CNTN4: variants seen among roughly 807,000 people sequenced by gnomAD.
The protein encoded by CNTN4 is contactin-4.
Under a neutral mutation model 122.5 loss-of-function variants are expected in CNTN4, and 77 were observed. The ratio of observed to expected loss-of-function variants is 0.63; its 90% CI spans 0.52 to 0.76. CNTN4 has a LOEUF of 0.76. CNTN4 is among the 30% of genes least tolerant of loss of function. The probability of loss-of-function intolerance (pLI) is 0.00; values close to 1 mark genes in which losing one functional copy is unlikely to be tolerated. For synonymous variants in CNTN4, 512 were observed against 447.0 expected (o/e 1.15, Z -1.83); for missense variants, 1,256 against 1,259.1 (o/e 1.00, Z 0.04).
rs1339394933 is a variant in CNTN4 at position 2,218,342 on chromosome 3, A to G, written c.-145+117703A>G. ...ATGAAATTGCAAACATGTATATACTATTTTACCACTTTCTTTTAAAGCATA... is the reference window on the plus strand; with the variant it reads ...ATGAAATTGCAAACATGTATATACTGTTTTACCACTTTCTTTTAAAGCATA... On this transcript the variant is annotated intron_variant, in intron 2 of 24. Coordinates refer to ENST00000418658, the MANE Select transcript of CNTN4 (RefSeq NM_175607.3). Among the ~76,000 whole-genome samples the G allele has an allele frequency of 2.6e-5, 4 of 152,072 alleles. No individual in the cohort carries two copies. In the East Asian group the frequency reaches 5.8e-4, roughly 22 times the overall value.
chr3:2,230,062 A>G (rs1216330267), intron 2 of CNTN4, among the ~76,000 whole-genome samples: 1 of 152,194 alleles, frequency 6.6e-6, no homozygotes, highest in African/African-American at 2.4e-5. Flanking sequence ...AAGCTTTATT[A>G]GAGATCCCTA....
chr3:2,976,106 A>G (rs1290464540), intron 13 of CNTN4, among the ~76,000 whole-genome samples: 7 of 152,192 alleles, frequency 4.6e-5, no homozygotes, highest in Non-Finnish European at 2.9e-5. Context: ...TATGCTTACC[A>G]TGTGAATAAA....
intron 3 of CNTN4, among the ~76,000 whole-genome samples, chr3:2,384,537 A>T (rs2046163558): frequency 6.6e-6 from 1 of 152,240 alleles, no homozygotes; most frequent in Non-Finnish European, 1.5e-5. Context: ...AACACAATAG[A>T]TTGGGAAATC....
Position 2,709,132 on chromosome 3 carries a change from A to G in CNTN4, c.56-27083A>G, listed in dbSNP as rs929069854. ...TTTTTAAGCTAGATCGTTACAAATG[A>G]AGCCTTACCATTTGATGAAAATCCA... On this transcript the variant is annotated intron_variant, in intron 4 of 24. Transcript: ENST00000418658. The surrounding 1 kb of genome is among the most constrained non-coding windows in gnomAD (Gnocchi z 5.0). 1.3e-5 allele frequency among the ~76,000 whole-genome samples: 2 copies of G among 152,218 alleles called. No homozygotes were observed. Among genetic ancestry groups the G allele is most frequent in the African/African-American group, 4.8e-5 (2 of 41,452 alleles).
chr3:2,776,309 GTTTC>G (rs1367638976), intron 6 of CNTN4, among the ~76,000 whole-genome samples: 5 of 139,628 alleles, frequency 3.6e-5, no homozygotes, highest in African/African-American at 1.3e-4. Flanking sequence ...GAATATAAGT[GTTTC>G]TTTTTTTTTT....
At chr3:2,362,438 A>G in intron 3 of CNTN4, 1 of 394,650 alleles carries the variant, frequency 2.5e-6, no homozygotes, top group South Asian at 2.0e-5. Flanking sequence ...ATCCTGGACC[A>G]TCGCCTCCCA....
At chr3:2,120,372 T>TATAA (rs1340834901) in intron 2 of CNTN4, among the ~76,000 whole-genome samples, 1 of 84,340 alleles carries the variant, frequency 1.2e-5, no homozygotes, top group African/African-American at 5.3e-5. Flanking sequence ...TATATATATA[T>TATAA]AAATATATAT....
At chr3:2,955,867 CA>C (rs36045251) in intron 13 of CNTN4, among the ~76,000 whole-genome samples, 8,293 of 152,210 alleles carry the variant, frequency 0.054, 287 homozygotes, top group Middle Eastern at 0.095. Context: ...TAAAATGATT[CA>C]GCATCAACAT....
intron 12 of CNTN4, among the ~76,000 whole-genome samples, chr3:2,924,829 G>A (rs542855550): frequency 1.6e-4 from 24 of 152,222 alleles, no homozygotes; most frequent in African/African-American, 5.3e-4. Context: ...TACGGAGAGT[G>A]ACAATAGAGA....
At chr3:2,240,603 A>G (rs537182100) in intron 2 of CNTN4, among the ~76,000 whole-genome samples, 2 of 152,234 alleles carry the variant, frequency 1.3e-5, no homozygotes, top group Non-Finnish European at 2.9e-5. Flanking sequence ...TAGGTGAACA[A>G]TAGTTAGACA....
intron 2 of CNTN4, among the ~76,000 whole-genome samples, chr3:2,169,806 A>G (rs2036388802): frequency 1.3e-5 from 2 of 152,244 alleles, no homozygotes; most frequent in South Asian, 4.1e-4. Flanking sequence ...AATACTCTTT[A>G]TCAATGCTCT....
chr3:2,626,059 C>T (rs942937367), intron 4 of CNTN4, among the ~76,000 whole-genome samples: 4 of 152,142 alleles, frequency 2.6e-5, no homozygotes, highest in African/African-American at 9.7e-5. Flanking sequence ...TGGAGAAGTT[C>T]TGTGTATTCT....
intron 3 of CNTN4, among the ~76,000 whole-genome samples, chr3:2,499,440 A>G (rs914658568): frequency 1.3e-5 from 2 of 152,212 alleles, no homozygotes; most frequent in Non-Finnish European, 2.9e-5. Flanking sequence ...ACTAAACAGA[A>G]TCTATAATTA....
At chr3:2,875,487 G>A (rs2093833111) in intron 8 of CNTN4, among the ~76,000 whole-genome samples, 2 of 152,056 alleles carry the variant, frequency 1.3e-5, no homozygotes, top group South Asian at 4.1e-4. Flanking sequence ...TAGTATTTAT[G>A]GGCCCACCAC....
chr3:2,659,470 AAAAAAAAAAAAAG>A (rs1298175807), intron 4 of CNTN4, among the ~76,000 whole-genome samples: 100 of 148,898 alleles, frequency 6.7e-4, no homozygotes, highest in African/African-American at 2.4e-3. Context: ...CAAAAAAAAA[AAAAAAAAAAAAAG>A]AAGAAGAAGA....
intron 3 of CNTN4, among the ~76,000 whole-genome samples, chr3:2,570,565 C>T (rs74593102): frequency 0.13 from 19,856 of 152,144 alleles, 1,630 homozygotes; most frequent in Non-Finnish European, 0.18. Flanking sequence ...TTTGAAAAGT[C>T]GTAGATGCCC....
At position 2,269,312 on chromosome 3, in the gene CNTN4, T is replaced by C. The variant is rs1385092752; in HGVS notation, c.-144-69866T>C. On this transcript the variant is annotated intron_variant, in intron 2 of 24. Coordinates refer to ENST00000418658, the MANE Select transcript of CNTN4 (RefSeq NM_175607.3). Reference sequence around the variant, plus strand: ...TGTGGGTGGCATGCTTACTGATTAATTCATTTATATTCTTGAAATAACATA... The same window carrying C: ...TGTGGGTGGCATGCTTACTGATTAACTCATTTATATTCTTGAAATAACATA... Among the ~76,000 whole-genome samples, 9 of 152,278 alleles carry C rather than the reference T, an allele frequency of 5.9e-5. 1 individual carries two copies. The highest frequency in any genetic ancestry group is 1.7e-4 in the African/African-American group (7 of 41,568).
chr3:3,053,966 A>C lies in CNTN4; in HGVS notation c.2971A>C (p.Lys991Gln). 6.2e-7 allele frequency: 1 copy of C among 1,614,160 alleles called. No individual in the cohort carries two copies. Among genetic ancestry groups the C allele is most frequent in the Non-Finnish European group, 8.5e-7 (1 of 1,179,998 alleles). ...CAGCAGTGAACAAATTCGAATTCCA[A>C]AGATATCAAGTGAGAATGCCTTTTT... ...GSSSEQIRIP[K>Q]ISNAYARGSG... The change falls in exon 24 of 25, where the codon AAG becomes CAG. Residue 991 changes from lysine to glutamine, a missense_variant. By Grantham distance (53) the Lys-to-Gln change is moderately conservative. Coordinates refer to ENST00000418658, the MANE Select transcript of CNTN4 (RefSeq NM_175607.3).
intron 2 of CNTN4, among the ~76,000 whole-genome samples, chr3:2,173,251 G>A (rs1392746404): frequency 6.6e-6 from 1 of 152,198 alleles, no homozygotes; most frequent in Non-Finnish European, 1.5e-5. Context: ...GGCTTGAACA[G>A]AAATGTCAAC....
Sources: gnomAD v4.1 joint callset for allele counts (sites outside exome capture counted in the v4.1 genomes callset) on GRCh38, gnomAD v4.1.1 for gene constraint, Gnocchi (gnomAD v3.1) non-coding constraint, MANE v1.5 for transcripts, NCBI Gene and HGNC (gene_info 2026-07-23, HGNC 2026-07-21) for gene names.